The following TXNDC12 variants were observed in gnomAD, a reference collection of about 807,000 sequenced individuals.
TXNDC12 encodes the protein thioredoxin domain-containing protein 12.
TXNDC12 carries 22 observed loss-of-function variants against 24.2 expected under a neutral mutation model. The observed-to-expected ratio is 0.91, with a 90% confidence interval of 0.65 to 1.30. The LOEUF (loss-of-function observed/expected upper bound fraction) is 1.30, where lower values mean the gene tolerates loss of function less well. Ranked by LOEUF, TXNDC12 falls within the 50% of genes most tolerant of loss-of-function variation. The pLI is 0.00. For synonymous variants in TXNDC12, 58 were observed against 73.4 expected, an observed-to-expected ratio of 0.79 and a Z score of 1.07; for missense variants, 184 against 205.8, an observed-to-expected ratio of 0.89 and a Z score of 0.65.
At position 52,033,578 on chromosome 1, in the gene TXNDC12, G is replaced by A. The variant is rs1362804532; in HGVS notation, c.159-4948C>T. ...AGGCGCCGTTCCACGGAGGCTCGCA[G>A]AGCTCCACGCAATGCCTTCTCACGG... is the stretch of plus-strand genomic sequence containing the variant. On this transcript the variant is annotated intron_variant, in intron 2 of 6. Coordinates refer to ENST00000371626, the MANE Select transcript of TXNDC12 (RefSeq NM_015913.4). 6 of 1,613,666 alleles carry A rather than the reference G, an allele frequency of 3.7e-6. No homozygotes were observed. The Admixed American group carries it at 6.7e-5, about 18-fold the overall frequency.
At chr1:52,033,602 G>C in intron 2 of TXNDC12, 1 of 1,613,084 alleles carries the variant, frequency 6.2e-7, no homozygotes, top group Non-Finnish European at 8.5e-7. Flanking sequence ...GCCTTCTCAC[G>C]GGCAGAATCG....
At chr1:52,037,828 T>C (rs953000032) in intron 2 of TXNDC12, among the ~76,000 whole-genome samples, 2 of 152,186 alleles carry the variant, frequency 1.3e-5, no homozygotes, top group Non-Finnish European at 2.9e-5. Flanking sequence ...TCGTCCCACC[T>C]CTGCCTCCCA....
chr1:52,025,390 TTA>T (rs1685658277), intron 4 of TXNDC12, among the ~76,000 whole-genome samples: 2 of 152,246 alleles, frequency 1.3e-5, no homozygotes, highest in South Asian at 2.1e-4. Flanking sequence ...GCTAATTTTT[TTA>T]TATTTTTAGT....
intron 1 of TXNDC12, among the ~76,000 whole-genome samples, chr1:52,052,929 G>C (rs1295596083): frequency 6.6e-6 from 1 of 152,124 alleles, no homozygotes; most frequent in Non-Finnish European, 1.5e-5. Context: ...TACTCAGCTA[G>C]TGAGTGGCAG....
intron 4 of TXNDC12, among the ~76,000 whole-genome samples, chr1:52,025,093 C>T (rs1295523324): frequency 6.6e-6 from 1 of 152,184 alleles, no homozygotes. Context: ...CTGCTATATT[C>T]CTAGTACCTA....
At chr1:52,037,250 T>C (rs1685900302) in intron 2 of TXNDC12, among the ~76,000 whole-genome samples, 1 of 150,832 alleles carries the variant, frequency 6.6e-6, no homozygotes, top group African/African-American at 2.4e-5. Context: ...TTCACTCTTG[T>C]TGCCTAGGCT....
intron 1 of TXNDC12, among the ~76,000 whole-genome samples, chr1:52,052,036 T>C (rs1686216088): frequency 6.6e-6 from 1 of 152,234 alleles, no homozygotes; most frequent in African/African-American, 2.4e-5. Flanking sequence ...TCCGACACAA[T>C]ATTAAGTGCC....
intron 2 of TXNDC12, chr1:52,033,972 T>C (rs913128610): frequency 1.4e-6 from 2 of 1,418,220 alleles, no homozygotes. Flanking sequence ...GCATCAGTTA[T>C]TTATGCCAAA....
At chr1:52,033,490 A>T in intron 2 of TXNDC12, 1 of 1,613,850 alleles carries the variant, frequency 6.2e-7, no homozygotes, top group Non-Finnish European at 8.5e-7. Context: ...CAGGCAGTAG[A>T]GCTCGTAACG....
chr1:52,041,667 A>C, intron 1 of TXNDC12, 70 bp from the exon 2 acceptor site: 1 of 1,081,004 alleles, frequency 9.3e-7, no homozygotes, highest in South Asian at 1.4e-5. Context: ...GGAAGTGTGC[A>C]TGTTCACAAG....
Position 52,043,201 on chromosome 1 carries a change from A to G in TXNDC12, c.98-1604T>C, listed in dbSNP as rs1409338057. Among the ~76,000 whole-genome samples, 8 of 152,174 alleles carry G rather than the reference A, an allele frequency of 5.3e-5. No individual in the cohort carries two copies. In the East Asian group the frequency reaches 1.5e-3, roughly 29 times the overall value. On this transcript the variant is annotated intron_variant, in intron 1 of 6. Coordinates refer to ENST00000371626, the MANE Select transcript of TXNDC12 (RefSeq NM_015913.4). ...AAGCCTAGAGGGCATTTCTTCTGGT[A>G]TATCTTCCCTGACTCCCAAAGCACC...
intron 4 of TXNDC12, among the ~76,000 whole-genome samples, chr1:52,026,227 G>A (rs1281289874): frequency 3.3e-5 from 5 of 152,082 alleles, no homozygotes; most frequent in Admixed American, 6.6e-5. Context: ...AAGAGAGCAC[G>A]GCTAGGTGAG....
intron 2 of TXNDC12, among the ~76,000 whole-genome samples, chr1:52,029,822 T>C (rs2124364318): frequency 6.6e-6 from 1 of 152,330 alleles, no homozygotes; most frequent in African/African-American, 2.4e-5. Flanking sequence ...CTACCTCACA[T>C]CTGGATGGAC....
At position 52,020,697 on chromosome 1, in the gene TXNDC12, G is replaced by T; in HGVS notation, c.*236C>A. The T allele has an allele frequency of 2.1e-6, 1 of 484,180 alleles. No homozygotes were observed. 30.0% of individuals were successfully genotyped at this position (484,180 alleles called of 1,614,324 possible). A position where few individuals can be genotyped will look rare whatever the true frequency, so the allele number is the denominator to read the frequency against. On this transcript the variant is annotated 3_prime_UTR_variant, in exon 7 of 7. Transcript: ENST00000371626. Reference sequence around the variant, plus strand: ...CATTCTTTACATTCAATGACAAGTTGACATTTAGGTGAGAGGGAAAAGGAG... The same window carrying T: ...CATTCTTTACATTCAATGACAAGTTTACATTTAGGTGAGAGGGAAAAGGAG...
At chr1:52,041,262 G>A (rs966797067) in intron 2 of TXNDC12, among the ~76,000 whole-genome samples, 7 of 152,132 alleles carry the variant, frequency 4.6e-5, no homozygotes, top group African/African-American at 1.7e-4. Context: ...GAGCCCAGGA[G>A]GTGGAGCTTG....
intron 2 of TXNDC12, chr1:52,033,120 C>T (rs1436918677): frequency 6.2e-7 from 1 of 1,613,172 alleles, no homozygotes; most frequent in Non-Finnish European, 8.5e-7. Context: ...CCTCAAAGCG[C>T]AGCGTTAGGG....
Position 52,053,499 on chromosome 1 carries a change from C to T in TXNDC12, c.97+1501G>A, listed in dbSNP as rs575688508. 7.9e-5 allele frequency among the ~76,000 whole-genome samples: 12 copies of T among 152,070 alleles called. No homozygotes were observed. The South Asian group carries it at 2.3e-3, about 29-fold the overall frequency. ...CCAACATAGTGAAACCCCGTCTCTACTAAAAATACAAAAAATTAGCCAGAC... is the reference window on the plus strand; with the variant it reads ...CCAACATAGTGAAACCCCGTCTCTATTAAAAATACAAAAAATTAGCCAGAC... On this transcript the variant is annotated intron_variant, in intron 1 of 6. Coordinates refer to ENST00000371626, the MANE Select transcript of TXNDC12 (RefSeq NM_015913.4).
At chr1:52,047,368 G>A (rs1000661636) in intron 1 of TXNDC12, among the ~76,000 whole-genome samples, 2 of 152,118 alleles carry the variant, frequency 1.3e-5, no homozygotes, top group Non-Finnish European at 2.9e-5. Flanking sequence ...TGAGAGCAAG[G>A]ACTATGGAAG....
At chr1:52,041,409 G>T in intron 2 of TXNDC12, 128 bp downstream of exon 2, 1 of 540,022 alleles carries the variant, frequency 1.9e-6, no homozygotes. Context: ...TATTATTGCT[G>T]TTGTTGTAAT....
Sources: allele counts gnomAD v4.1 joint callset (sites outside exome capture counted in the v4.1 genomes callset), GRCh38; gene constraint gnomAD v4.1.1; transcripts MANE v1.5; gene names NCBI Gene and HGNC (gene_info 2026-07-23, HGNC 2026-07-21).